The following RBM26 variants were observed in gnomAD, a reference collection of about 807,000 sequenced individuals.
The protein encoded by RBM26 is RNA binding motif protein 26, also known as RNA-binding protein 26.
Under a neutral mutation model 123.6 loss-of-function variants are expected in RBM26, and 30 were observed. The observed-to-expected ratio is 0.24, with a 90% CI of 0.18 to 0.33. The LOEUF (loss-of-function observed/expected upper bound fraction) is 0.33, where lower values mean the gene tolerates loss of function less well. Among genes scored for constraint, RBM26 ranks in the 10% least tolerant of loss-of-function variants. The pLI is 1.00. For synonymous variants in RBM26, 400 were observed against 404.4 expected (o/e 0.99, Z 0.13); for missense variants, 947 against 1,203.6 (o/e 0.79, Z 3.15).
intron 6 of RBM26, 143 bp from the exon 7 acceptor site, chr13:79,367,015 C>G (rs982958984): frequency 5.5e-5 from 35 of 638,078 alleles, no homozygotes; most frequent in African/African-American, 5.4e-4. Context: ...CCAAGAGCTA[C>G]CTGATCTTCT....
chr13:79,345,350 C>A (rs971749329), intron 14 of RBM26, among the ~76,000 whole-genome samples: 2 of 151,610 alleles, frequency 1.3e-5, no homozygotes, highest in African/African-American at 2.4e-5. Flanking sequence ...AAGCCTGGAT[C>A]ATTTCTCTTT....
chr13:79,351,062 A>C (rs2139404053), intron 14 of RBM26, among the ~76,000 whole-genome samples: 1 of 152,324 alleles, frequency 6.6e-6, no homozygotes, highest in East Asian at 1.9e-4. Context: ...GCATTAGCAT[A>C]ATATATGGGT....
Position 79,377,535 on chromosome 13 carries a change from C to A in RBM26, c.191-20G>T, listed in dbSNP as rs1211791674. The A allele has an allele frequency of 1.3e-6, 2 of 1,578,026 alleles. No individual in the cohort carries two copies. The highest frequency in any genetic ancestry group is 1.7e-6 in the Non-Finnish European group (2 of 1,150,210). On this transcript the variant is annotated intron_variant, in intron 2 of 21. Transcript: ENST00000438737. ...GTGTCTCTAAAAATAAAACCAAACA[C>A]CATAGATTAAAACACATTTGTTAAG...
chr13:79,372,926 T>C (rs2076116852), intron 3 of RBM26, among the ~76,000 whole-genome samples: 1 of 75,812 alleles, frequency 1.3e-5, no homozygotes, highest in South Asian at 4.3e-4. Flanking sequence ...TTTTATATAA[T>C]ATATAAGATA....
intron 1 of RBM26, among the ~76,000 whole-genome samples, chr13:79,404,636 G>A (rs2079358192): frequency 6.6e-6 from 1 of 152,054 alleles, no homozygotes; most frequent in Non-Finnish European, 1.5e-5. Context: ...CTGCTACAGG[G>A]CCTTTCATTT....
chr13:79,379,686 T>C (rs1401540309), intron 1 of RBM26, among the ~76,000 whole-genome samples: 1 of 151,212 alleles, frequency 6.6e-6, no homozygotes, highest in African/African-American at 2.4e-5. Flanking sequence ...AGTAATGTGA[T>C]TATAAAAAAC....
At chr13:79,380,523 T>C (rs1205097201) in intron 1 of RBM26, among the ~76,000 whole-genome samples, 1 of 151,998 alleles carries the variant, frequency 6.6e-6, no homozygotes, top group African/African-American at 2.4e-5. Flanking sequence ...ATAATAATTG[T>C]ATGTATTCAT....
Position 79,359,623 on chromosome 13 carries a change from A to G in RBM26, c.1481T>C (p.Ile494Thr). ...AGGAACTCCAGGCTCTCCAGAACCA[A>G]TGGTTCTTTTCCTTGATTCTGAGTC... ...VVDSESRKRT[I>T]GSGEPGVPTK... Residue 494 changes from isoleucine to threonine, a missense_variant, in exon 10 of 22, where the codon ATT becomes ACT. Physicochemically the swap from Ile to Thr is moderately conservative, Grantham distance 89. Coordinates refer to ENST00000438737, the MANE Select transcript of RBM26 (RefSeq NM_001366735.2). 2 of 1,600,934 alleles carry G rather than the reference A, an allele frequency of 1.2e-6. No individual in the cohort carries two copies. The highest frequency in any genetic ancestry group is 1.7e-6 in the Non-Finnish European group (2 of 1,174,418).
intron 9 of RBM26, among the ~76,000 whole-genome samples, chr13:79,364,313 A>C (rs2075034333): frequency 6.6e-6 from 1 of 152,202 alleles, no homozygotes; most frequent in South Asian, 2.1e-4. Context: ...AGAATCTGAT[A>C]GCTAGCTTCC....
Position 79,341,157 on chromosome 13 carries a change from T to G in RBM26, c.2498A>C (p.Glu833Ala). 1 of 1,609,626 alleles carries G rather than the reference T, an allele frequency of 6.2e-7. No individual in the cohort carries two copies. The highest frequency in any genetic ancestry group is 2.2e-5 in the East Asian group (1 of 44,746). ...KKMQAGEEVTELRRKYTELQL... is the reference protein window; with the variant it reads ...KKMQAGEEVTALRRKYTELQL... ...TAATTCTGTATACTTTCTCCTAAGT[T>G]CAGTGACTTCTTCTCCAGCCTGCAT... Residue 833 changes from glutamate to alanine, a missense_variant, in exon 18 of 22, where the codon GAA becomes GCA. By Grantham distance (107) the Glu-to-Ala change is moderately radical. Coordinates refer to ENST00000438737, the MANE Select transcript of RBM26 (RefSeq NM_001366735.2).
intron 11 of RBM26, among the ~76,000 whole-genome samples, chr13:79,357,796 T>C (rs1216836137): frequency 2.6e-5 from 4 of 152,180 alleles, no homozygotes; most frequent in African/African-American, 7.2e-5. Context: ...TATGATAATA[T>C]GATCAATTGA....
intron 1 of RBM26, among the ~76,000 whole-genome samples, chr13:79,385,718 T>C (rs1000463988): frequency 6.6e-6 from 1 of 152,184 alleles, no homozygotes; most frequent in African/African-American, 2.4e-5. Flanking sequence ...GCATAAAAAC[T>C]CTCTATATTT....
chr13:79,337,062 T>C (rs765636261), intron 19 of RBM26, 40 bp downstream of exon 19: 10 of 1,567,722 alleles, frequency 6.4e-6, no homozygotes, highest in Non-Finnish European at 8.8e-6. Flanking sequence ...TCCCCAATGA[T>C]GATTATCAGC....
Position 79,338,088 on chromosome 13 carries a change from T to G in RBM26, c.2533-786A>C, listed in dbSNP as rs567608160. On this transcript the variant is annotated intron_variant, in intron 18 of 21. Coordinates refer to ENST00000438737, the MANE Select transcript of RBM26 (RefSeq NM_001366735.2). ...CTGAAAATTAGCCAGGCGTAGTGCC[T>G]GTAGTCCCAGCTACTCGGGAGGCTG... Among the ~76,000 whole-genome samples, 61 of 152,234 alleles carry G rather than the reference T, an allele frequency of 4.0e-4. No individual in the cohort carries two copies. The Middle Eastern group carries it at 0.01, about 25-fold the overall frequency.
chr13:79,313,382 G>A (rs1349420268), exon 5 of RBM26: 6 of 151,480 alleles, frequency 4.0e-5, no homozygotes, highest in Non-Finnish European at 8.9e-5. Context: ...AGCAAAAAGT[G>A]AAAAATCAAA....
chr13:79,390,737 A>G (rs983163142), intron 1 of RBM26, among the ~76,000 whole-genome samples: 2 of 152,192 alleles, frequency 1.3e-5, no homozygotes, highest in Non-Finnish European at 2.9e-5. Flanking sequence ...AATCTCAATG[A>G]CGGGTATGTC....
chr13:79,361,893 A>T (rs1175649487), intron 9 of RBM26, among the ~76,000 whole-genome samples: 1 of 151,998 alleles, frequency 6.6e-6, no homozygotes, highest in African/African-American at 2.4e-5. Flanking sequence ...CTCAGTGGGG[A>T]TGGGGAGAGG....
chr13:79,356,858 CCT>C (rs2074081934), intron 11 of RBM26, among the ~76,000 whole-genome samples: 1 of 151,856 alleles, frequency 6.6e-6, no homozygotes, highest in African/African-American at 2.4e-5. Flanking sequence ...ATGTTTTGCC[CCT>C]CAGCTTTAAA....
At chr13:79,325,558 TAAAG>T (rs775999032) in intron 20 of RBM26, among the ~76,000 whole-genome samples, 14 of 152,154 alleles carry the variant, frequency 9.2e-5, no homozygotes, top group South Asian at 2.1e-4. Context: ...AATAAGGATA[TAAAG>T]AAAGTATTTT....
Sources: gnomAD v4.1 joint callset for allele counts (sites outside exome capture counted in the v4.1 genomes callset) on GRCh38, gnomAD v4.1.1 for gene constraint, MANE v1.5 for transcripts, NCBI Gene and HGNC (gene_info 2026-07-23, HGNC 2026-07-21) for gene names.